RARB: variants seen among roughly 807,000 people sequenced by gnomAD.
RARB encodes retinoic acid receptor beta.
A neutral mutation model predicts 51.9 loss-of-function variants in RARB; 17 were observed. The observed-to-expected ratio is 0.33, with a 90% CI of 0.22 to 0.49. RARB has a LOEUF of 0.49. RARB is among the 20% of genes least tolerant of loss of function. RARB has a pLI of 0.99. For missense variants in RARB, 369 were observed against 550.8 expected, an observed-to-expected ratio of 0.67 and a Z score of 3.30; for synonymous variants, 215 against 195.4, an observed-to-expected ratio of 1.10 and a Z score of -0.84.
At chr3:25,055,321 C>T (rs1385282233) in intron 2 of RARB, among the ~76,000 whole-genome samples, 1 of 152,108 alleles carries the variant, frequency 6.6e-6, no homozygotes, top group Non-Finnish European at 1.5e-5. Context: ...GCAAATTTGG[C>T]TTGTCATGGA....
At chr3:25,392,032 T>G (rs891937481) in intron 5 of RARB, among the ~76,000 whole-genome samples, 1 of 152,210 alleles carries the variant, frequency 6.6e-6, no homozygotes, top group Admixed American at 6.5e-5. Flanking sequence ...AGGTCTTAGA[T>G]TTAAGTCCTT....
rs753385110 is a variant in RARB, at chr3:25,151,338, G to C, written c.-280+19130G>C. On this transcript the variant is annotated intron_variant, in intron 4 of 11. Coordinates refer to the RARB transcript ENST00000383772. ...ATGGCAAGAACACTTTTTTCATTTA[G>C]CCTGCCTTAGAAATTTTGTTCTCTC... Among the ~76,000 whole-genome samples the C allele has an allele frequency of 2.0e-5, 3 of 152,156 alleles. No individual in the cohort carries two copies. In the East Asian group the frequency reaches 5.8e-4, roughly 29 times the overall value.
chr3:25,440,040 C>G (rs1353446477), intron 1 of RARB, among the ~76,000 whole-genome samples: 1 of 152,124 alleles, frequency 6.6e-6, no homozygotes, highest in African/African-American at 2.4e-5. Context: ...AAAATGAATC[C>G]ATAACACCTC....
intron 2 of RARB, among the ~76,000 whole-genome samples, chr3:24,952,453 C>A (rs527837360): frequency 6.6e-6 from 1 of 152,090 alleles, no homozygotes; most frequent in South Asian, 2.1e-4. Flanking sequence ...ATGTATTCTA[C>A]TCTCTGCTAA....
At chr3:25,530,148 C>G (rs1196297480) in intron 3 of RARB, among the ~76,000 whole-genome samples, 1 of 152,196 alleles carries the variant, frequency 6.6e-6, no homozygotes, top group African/African-American at 2.4e-5. Flanking sequence ...TTATCTACCC[C>G]TTATATCCCC....
chr3:25,142,762 T>G (rs1282150068), intron 4 of RARB, among the ~76,000 whole-genome samples: 1 of 152,068 alleles, frequency 6.6e-6, no homozygotes, highest in Non-Finnish European at 1.5e-5. Flanking sequence ...AGCAGAGCAG[T>G]CAGCAAATGG....
intron 5 of RARB, among the ~76,000 whole-genome samples, chr3:25,378,192 A>G (rs984431334): frequency 1.3e-5 from 2 of 152,180 alleles, no homozygotes; most frequent in Non-Finnish European, 2.9e-5. Context: ...TCGGGCATGC[A>G]TGCACGAGGG....
intron 2 of RARB, among the ~76,000 whole-genome samples, chr3:24,872,480 A>G (rs1702965458): frequency 1.3e-5 from 2 of 152,310 alleles, no homozygotes; most frequent in South Asian, 4.1e-4. Context: ...ATAGTTCTTC[A>G]TACTATGCAA....
chr3:25,330,327 T>C (rs564942336), intron 5 of RARB, among the ~76,000 whole-genome samples: 79 of 152,298 alleles, frequency 5.2e-4, no homozygotes, highest in Middle Eastern at 3.4e-3. Context: ...CGGCAGACAC[T>C]CTGCAAGCCA....
chr3:25,477,623 T>A (rs1177263801), intron 2 of RARB, among the ~76,000 whole-genome samples: 7 of 152,190 alleles, frequency 4.6e-5, no homozygotes, highest in Non-Finnish European at 8.8e-5. Context: ...AACAGCTCTA[T>A]TATGTAAGTA....
At position 25,083,327 on chromosome 3, in the gene RARB, A is replaced by C. The variant is rs141151724; in HGVS notation, c.-328+23151A>C. Reference sequence around the variant, plus strand: ...TTTATGTTGTCCCACAGATCACTAAAGCTCTATTTTATTTCCATTTTTAGC... The same window carrying C: ...TTTATGTTGTCCCACAGATCACTAACGCTCTATTTTATTTCCATTTTTAGC... On this transcript the variant is annotated intron_variant, in intron 3 of 11. Coordinates refer to the RARB transcript ENST00000383772. 5.2e-4 allele frequency among the ~76,000 whole-genome samples: 79 copies of C among 152,258 alleles called. No individual in the cohort carries two copies. In the East Asian group the frequency reaches 9.6e-3, roughly 19 times the overall value.
intron 2 of RARB, among the ~76,000 whole-genome samples, chr3:24,883,315 C>T (rs1441647184): frequency 6.6e-6 from 1 of 150,796 alleles, no homozygotes; most frequent in Non-Finnish European, 1.5e-5. Context: ...GAAAGATTCA[C>T]ATTTACTTGG....
At chr3:24,972,534 T>G (rs1366588392) in intron 2 of RARB, among the ~76,000 whole-genome samples, 2 of 151,990 alleles carry the variant, frequency 1.3e-5, no homozygotes, top group African/African-American at 4.8e-5. Flanking sequence ...CATGTGGTAG[T>G]TATATTTTTA....
At chr3:25,128,462 T>C (rs868270115) in intron 3 of RARB, among the ~76,000 whole-genome samples, 51 of 148,558 alleles carry the variant, frequency 3.4e-4, no homozygotes, top group South Asian at 3.3e-3. Flanking sequence ...ATTTCTAGTA[T>C]ACTATATACT....
At chr3:25,583,313 T>G (rs80020258) in intron 5 of RARB, among the ~76,000 whole-genome samples, 9,616 of 152,276 alleles carry the variant, frequency 0.063, 399 homozygotes, top group Non-Finnish European at 0.094. Context: ...GTCATTGATA[T>G]ATGGATAGAG....
chr3:25,464,940 G>A (rs991484766), intron 2 of RARB, among the ~76,000 whole-genome samples: 6 of 151,850 alleles, frequency 4.0e-5, no homozygotes, highest in Non-Finnish European at 5.9e-5. Flanking sequence ...AGTAGTTTAC[G>A]GTTATGTCAT....
chr3:25,273,879 T>A (rs2125412647), intron 5 of RARB, among the ~76,000 whole-genome samples: 1 of 152,296 alleles, frequency 6.6e-6, no homozygotes, highest in South Asian at 2.1e-4. Context: ...CACCTCCAGG[T>A]TATGGGTGCA....
Position 25,076,972 on chromosome 3 carries a change from G to T in RARB, c.-328+16796G>T, listed in dbSNP as rs146577773. On this transcript the variant is annotated intron_variant, in intron 3 of 11. Coordinates refer to the RARB transcript ENST00000383772. ...AACATCATTGTAAGTGAGGACATCAGGTCTCTTTTTTGTTTTCCCAGTCTT... is the reference window on the plus strand; with the variant it reads ...AACATCATTGTAAGTGAGGACATCATGTCTCTTTTTTGTTTTCCCAGTCTT... 3.8e-3 allele frequency among the ~76,000 whole-genome samples: 572 copies of T among 152,286 alleles called. 9 individuals carry two copies. The highest frequency in any genetic ancestry group is 1.1e-3 in the Non-Finnish European group (76 of 68,022).
intron 3 of RARB, among the ~76,000 whole-genome samples, chr3:25,098,320 C>T (rs894511028): frequency 1.3e-5 from 2 of 152,192 alleles, no homozygotes; most frequent in African/African-American, 2.4e-5. Flanking sequence ...TGGTCAGCAT[C>T]CCTTAATCAT....
Sources: allele counts gnomAD v4.1 joint callset (sites outside exome capture counted in the v4.1 genomes callset), GRCh38; gene constraint gnomAD v4.1.1; transcripts MANE v1.5; gene names NCBI Gene and HGNC (gene_info 2026-07-23, HGNC 2026-07-21).